The following CCER2 variants were observed in gnomAD, a reference collection of about 807,000 sequenced individuals.
The protein encoded by CCER2 is coiled-coil domain-containing glutamate-rich protein 2.
Under a neutral mutation model 27.1 loss-of-function variants are expected in CCER2, and 20 were observed. The ratio of observed to expected loss-of-function variants is 0.74; its 90% CI spans 0.52 to 1.07. CCER2 has a LOEUF of 1.07. Ranked by LOEUF, CCER2 falls within the 50% of genes least tolerant of loss-of-function variation. The pLI is 0.00. For missense variants in CCER2, 351 were observed against 344.7 expected (o/e 1.02, Z -0.14); for synonymous variants, 140 against 144.3 (o/e 0.97, Z 0.21).
Position 38,911,859 on chromosome 19 carries a change from A to G in CCER2, c.62-7T>C. 2.2e-5 allele frequency: 33 copies of G among 1,534,812 alleles called. No homozygotes were observed. Among genetic ancestry groups the G allele is most frequent in the Non-Finnish European group, 2.9e-5 (33 of 1,146,620 alleles). ...GCCAAGGGAGCAGCGGTGGCTGTGG[A>G]GAAAGGAGATGGCACTGGGCTTTGC... On this transcript the variant is annotated splice_region_variant and splice_polypyrimidine_tract_variant and intron_variant, in intron 1 of 4. Transcript: ENST00000571838.
intron 3 of CCER2, 95 bp downstream of exon 3, chr19:38,911,471 G>A (rs1974306748): frequency 9.7e-7 from 1 of 1,031,464 alleles, no homozygotes; most frequent in Non-Finnish European, 1.4e-6. Context: ...TAGCCTGGGT[G>A]GGAGAGCATG....
At chr19:38,911,505 G>T in intron 3 of CCER2, 61 bp downstream of exon 3, 2 of 1,386,320 alleles carry the variant, frequency 1.4e-6, no homozygotes, top group Non-Finnish European at 2.0e-6. Flanking sequence ...AGGACCCTGG[G>T]TGGGGTAGGG....
At chr19:38,911,132 A>T in intron 3 of CCER2, 49 bp from the exon 4 acceptor site, 1 of 1,393,976 alleles carries the variant, frequency 7.2e-7, no homozygotes, top group Non-Finnish European at 9.3e-7. Context: ...TGGGAAACTG[A>T]GGCCGAGTAT....
chr19:38,910,163 G>A (rs370313149), intron 4 of CCER2, among the ~76,000 whole-genome samples: 11 of 152,126 alleles, frequency 7.2e-5, no homozygotes, highest in African/African-American at 2.4e-4. Context: ...GATTACAGGT[G>A]TGAGCCACCA....
rs1974245355 is a variant in CCER2 at position 38,909,021 on chromosome 19, G to C, written c.*215C>G. 1 of 984,610 alleles carries C rather than the reference G, an allele frequency of 1.0e-6. No individual in the cohort carries two copies. Among genetic ancestry groups the C allele is most frequent in the Non-Finnish European group, 1.5e-6 (1 of 681,822 alleles). 61.0% of individuals were successfully genotyped at this position (984,610 alleles called of 1,614,324 possible). A position where few individuals can be genotyped will look rare whatever the true frequency, so the allele number is the denominator to read the frequency against. Reference sequence around the variant, plus strand: ...TTATTCACTCAGAAGGGTTGGAGTGGGAGTGCATAGGTGTGGGGGTGCTTC... The same window carrying C: ...TTATTCACTCAGAAGGGTTGGAGTGCGAGTGCATAGGTGTGGGGGTGCTTC... On this transcript the variant is annotated 3_prime_UTR_variant, in exon 5 of 5. Coordinates refer to ENST00000571838, the MANE Select transcript of CCER2 (RefSeq NM_001243212.2).
At position 38,911,833 on chromosome 19, in the gene CCER2, T is replaced by C; in HGVS notation, c.81A>G (p.Ala27=). The change falls in exon 2 of 5, where the codon GCA becomes GCG. Residue 27 remains alanine (A), a synonymous_variant. Coordinates refer to ENST00000571838, the MANE Select transcript of CCER2 (RefSeq NM_001243212.2). ...TCACCTCCTCCTTGGAGGGTCTCGG[T>C]GCCAAGGGAGCAGCGGTGGCTGTGG... ...LLGAATAAPL[A]PRPSKEELTR... The C allele has an allele frequency of 6.5e-7, 1 of 1,535,086 alleles. No homozygotes were observed. The highest frequency in any genetic ancestry group is 8.7e-7 in the Non-Finnish European group (1 of 1,146,626).
chr19:38,910,571 CCGAA>C lies in CCER2; in HGVS notation c.699_702del (p.Ser234ArgfsTer13). On this transcript the variant is annotated frameshift_variant, in exon 4 of 5. Coordinates refer to ENST00000571838, the MANE Select transcript of CCER2 (RefSeq NM_001243212.2). LOFTEE classifies it low-confidence loss of function (END_TRUNC). ...TTCATCCCCCTACTCACCTCCCTCT[CCGAA>C]GCCTCCTCCTTCTCCTGCCTGGGCT... 2.7e-6 allele frequency: 4 copies of C among 1,481,190 alleles called. No homozygotes were observed. The highest frequency in any genetic ancestry group is 3.6e-6 in the Non-Finnish European group (4 of 1,116,934). 91.8% of individuals were successfully genotyped at this position (1,481,190 alleles called of 1,614,324 possible).
rs1487596469 is a variant in CCER2, at chr19:38,911,777, TA to T, written c.102+34del. On this transcript the variant is annotated intron_variant, in intron 2 of 4. Coordinates refer to ENST00000571838, the MANE Select transcript of CCER2 (RefSeq NM_001243212.2). Reference sequence around the variant, plus strand: ...TGTGCAGGGAGGGCAGGGCCCCAGCTAGGTGAGGCAGGGCAAGGCCTCCACA... The same window carrying T: ...TGTGCAGGGAGGGCAGGGCCCCAGCTGGTGAGGCAGGGCAAGGCCTCCACA... 3 of 1,533,228 alleles carry T rather than the reference TA, an allele frequency of 2.0e-6. No individual in the cohort carries two copies. The African/African-American group carries it at 4.1e-5, about 21-fold the overall frequency. 95.0% of individuals were successfully genotyped at this position (1,533,228 alleles called of 1,614,324 possible).
chr19:38,909,171 G>A lies in CCER2; in HGVS notation c.*65C>T. On this transcript the variant is annotated 3_prime_UTR_variant, in exon 5 of 5. Coordinates refer to ENST00000571838, the MANE Select transcript of CCER2 (RefSeq NM_001243212.2). The stretch of plus-strand genomic sequence containing the variant: ...GGCGTGGGGTGCTAGGTGAGGTGGA[G>A]GCTTCGGGGTCAACAGTCCTAAGCC... 6.8e-7 allele frequency: 1 copy of A among 1,480,890 alleles called. No individual in the cohort carries two copies. Among genetic ancestry groups the A allele is most frequent in the Non-Finnish European group, 9.1e-7 (1 of 1,098,026 alleles). 91.7% of individuals were successfully genotyped at this position (1,480,890 alleles called of 1,614,324 possible). A position where few individuals can be genotyped will look rare whatever the true frequency, so the allele number is the denominator to read the frequency against.
At position 38,908,987 on chromosome 19, in the gene CCER2, C is replaced by T; in HGVS notation, c.*249G>A. 8.4e-7 allele frequency: 1 copy of T among 1,195,010 alleles called. No individual in the cohort carries two copies. 74.0% of individuals were successfully genotyped at this position (1,195,010 alleles called of 1,614,324 possible). On this transcript the variant is annotated 3_prime_UTR_variant, in exon 5 of 5. Coordinates refer to ENST00000571838, the MANE Select transcript of CCER2 (RefSeq NM_001243212.2). ...CTGCTCACGGAGGCAGGGTGCGTTT[C>T]TTTGTGCTTTATTCACTCAGAAGGG... is the stretch of plus-strand genomic sequence containing the variant.
At position 38,910,577 on chromosome 19, in the gene CCER2, C is replaced by G. The variant is rs1974284136; in HGVS notation, c.697G>C (p.Ala233Pro). 1 of 1,486,630 alleles carries G rather than the reference C, an allele frequency of 6.7e-7. No homozygotes were observed. The highest frequency in any genetic ancestry group is 8.9e-7 in the Non-Finnish European group (1 of 1,119,796). The allele number at this position is 1,486,630 out of a possible 1,614,324, so 92.1% of individuals were successfully genotyped here. The stretch of plus-strand genomic sequence containing the variant: ...CCCCTACTCACCTCCCTCTCCGAAG[C>G]CTCCTCCTTCTCCTGCCTGGGCTCA... ...EAEPRQEKEE[A>P]SEREEKEVEQ... Residue 233 changes from alanine to proline, a missense_variant, in exon 4 of 5, where the codon GCT becomes CCT. Coordinates refer to ENST00000571838, the MANE Select transcript of CCER2 (RefSeq NM_001243212.2).
chr19:38,910,906 C>T lies in CCER2; in HGVS notation c.368G>A (p.Arg123His), dbSNP rs778971806. 25 of 1,515,002 alleles carry T rather than the reference C, an allele frequency of 1.7e-5. No homozygotes were observed. Among genetic ancestry groups the T allele is most frequent in the African/African-American group, 2.8e-5 (2 of 72,688 alleles). 93.8% of individuals were successfully genotyped at this position (1,515,002 alleles called of 1,614,324 possible). ...GTGGAGCTGGCGATGCCCTTGCATG[C>T]GGATGGCTTGTTCCTGGACCTCAGA... Reference protein sequence around the residue: ...HKSEVQEQAIRMQGHRQLHQE... With the variant: ...HKSEVQEQAIHMQGHRQLHQE... The change falls in exon 4 of 5, where the codon CGC (arginine) becomes CAC (histidine). Residue 123 changes from arginine to histidine, a missense_variant. Arg to His is a conservative substitution (Grantham distance 29). Transcript: ENST00000571838.
intron 4 of CCER2, 45 bp downstream of exon 4, chr19:38,910,518 T>C (rs779625558): frequency 3.5e-6 from 5 of 1,437,286 alleles, no homozygotes; most frequent in Non-Finnish European, 3.6e-6. Context: ...TCATCAACCC[T>C]GCCTCCAAAC....
At chr19:38,909,405 C>A in intron 4 of CCER2, 80 bp from the exon 5 acceptor site, 1 of 1,305,368 alleles carries the variant, frequency 7.7e-7, no homozygotes, top group Non-Finnish European at 1.0e-6. Flanking sequence ...TGGGCCATGT[C>A]GGTTCTCATA....
rs1280425733 is a variant in CCER2, at chr19:38,911,579, A to G, written c.177T>C (p.Ala59=). The change falls in exon 3 of 5, where the codon GCT becomes GCC. Residue 59 remains alanine (A), a synonymous_variant. Coordinates refer to ENST00000571838, the MANE Select transcript of CCER2 (RefSeq NM_001243212.2). ...VGQVQRGPCT[A]LLHKELCGTE... Reference sequence around the variant, plus strand: ...GGGCCTCCTTACCCTTGTGGAGAAGAGCAGTGCAGGGTCCTCTCTGGACCT... The same window carrying G: ...GGGCCTCCTTACCCTTGTGGAGAAGGGCAGTGCAGGGTCCTCTCTGGACCT... The G allele has an allele frequency of 5.9e-6, 9 of 1,535,212 alleles. No homozygotes were observed. Among genetic ancestry groups the G allele is most frequent in the Non-Finnish European group, 7.8e-6 (9 of 1,146,690 alleles).
chr19:38,909,870 A>G (rs1490150998), intron 4 of CCER2, among the ~76,000 whole-genome samples: 2 of 117,860 alleles, frequency 1.7e-5, no homozygotes, highest in African/African-American at 6.3e-5. Context: ...CACCATGCCC[A>G]GCCATTTTTT....
chr19:38,911,627 G>C lies in CCER2; in HGVS notation c.129C>G (p.Val43=), dbSNP rs542030122. The change falls in exon 3 of 5, where the codon GTC becomes GTG. Residue 43 remains valine, a synonymous_variant. Coordinates refer to ENST00000571838, the MANE Select transcript of CCER2 (RefSeq NM_001243212.2). ...CCTGGCCCACGGTCAGCACCTCTGT[G>C]ACCACCTCTGCCAGACAGCGGGTCA... ...EELTRCLAEV[V]TEVLTVGQVQ... is the part of the protein sequence containing the mutation. 6.5e-6 allele frequency: 10 copies of C among 1,535,514 alleles called. No homozygotes were observed. The East Asian group carries it at 2.2e-4, about 34-fold the overall frequency.
intron 2 of CCER2, 45 bp from the exon 3 acceptor site, chr19:38,911,698 G>C: frequency 6.5e-7 from 1 of 1,528,452 alleles, no homozygotes; most frequent in Middle Eastern, 1.7e-4. Context: ...TGAGGGCAGG[G>C]GAGATGGGGA....
In CCER2 at chr19:38,909,020, G is replaced by T; in HGVS notation, c.*216C>A. The T allele has an allele frequency of 9.9e-7, 1 of 1,007,898 alleles. No individual in the cohort carries two copies. The highest frequency in any genetic ancestry group is 2.3e-4 in the Middle Eastern group (1 of 4,350). 62.4% of individuals were successfully genotyped at this position (1,007,898 alleles called of 1,614,324 possible). ...TTTATTCACTCAGAAGGGTTGGAGT[G>T]GGAGTGCATAGGTGTGGGGGTGCTT... On this transcript the variant is annotated 3_prime_UTR_variant, in exon 5 of 5. Transcript: ENST00000571838.
Sources: allele counts gnomAD v4.1 joint callset (sites outside exome capture counted in the v4.1 genomes callset), GRCh38; gene constraint gnomAD v4.1.1; transcripts MANE v1.5; gene names NCBI Gene and HGNC (gene_info 2026-07-23, HGNC 2026-07-21).